DENND2A: variants seen among roughly 807,000 people sequenced by gnomAD.
DENND2A encodes DENN domain containing 2A.
Under a neutral mutation model 105.3 loss-of-function variants are expected in DENND2A, and 53 were observed. The observed-to-expected ratio is 0.50, with a 90% CI of 0.40 to 0.63. The LOEUF is 0.63. Among genes scored for constraint, DENND2A ranks in the 30% least tolerant of loss-of-function variants. The pLI is 0.00. For missense variants in DENND2A, 1,138 were observed against 1,279.6 expected (o/e 0.89, Z 1.69); for synonymous variants, 522 against 508.4 (o/e 1.03, Z -0.36).
chr7:140,528,750 A>T (rs140394615), intron 14 of DENND2A, among the ~76,000 whole-genome samples: 1,883 of 144,314 alleles, frequency 0.013, 40 homozygotes, highest in African/African-American at 0.05. Flanking sequence ...ACAAGAATGA[A>T]ACTCCATCTC....
chr7:140,602,955 T>G (rs781250089), intron 2 of DENND2A, among the ~76,000 whole-genome samples: 2 of 151,974 alleles, frequency 1.3e-5, no homozygotes, highest in Non-Finnish European at 2.9e-5. Context: ...GTTTAAGTCC[T>G]CTAAACCTCA....
intron 3 of DENND2A, among the ~76,000 whole-genome samples, chr7:140,594,678 G>C (rs929576430): frequency 1.3e-5 from 2 of 152,184 alleles, no homozygotes; most frequent in African/African-American, 2.4e-5. Flanking sequence ...TCTAACACTC[G>C]ATAGGTGCGT....
At chr7:140,535,646 G>A (rs975380911) in intron 14 of DENND2A, among the ~76,000 whole-genome samples, 1 of 151,150 alleles carries the variant, frequency 6.6e-6, no homozygotes, top group African/African-American at 2.4e-5. Context: ...CAATGGCGTC[G>A]TCTCAGCTCA....
intron 1 of DENND2A, among the ~76,000 whole-genome samples, chr7:140,638,441 C>G (rs1801035610): frequency 6.6e-6 from 1 of 152,212 alleles, no homozygotes; most frequent in Non-Finnish European, 1.5e-5. Flanking sequence ...GGCATCCTTT[C>G]AGTTTCTCCT....
intron 11 of DENND2A, among the ~76,000 whole-genome samples, chr7:140,556,545 G>A (rs946758699): frequency 6.6e-6 from 1 of 151,974 alleles, no homozygotes; most frequent in African/African-American, 2.4e-5. Flanking sequence ...TCACCATGTT[G>A]GCCAGGCTGG....
Position 140,527,309 on chromosome 7 carries a change from G to C in DENND2A, c.2505+9C>G. 6.4e-7 allele frequency: 1 copy of C among 1,571,872 alleles called. No individual in the cohort carries two copies. The highest frequency in any genetic ancestry group is 1.2e-5 in the South Asian group (1 of 85,516). On this transcript the variant is annotated intron_variant, in intron 15 of 19. Coordinates refer to ENST00000496613, the MANE Select transcript of DENND2A (RefSeq NM_015689.5). The surrounding 1 kb of genome is among the most constrained non-coding windows in gnomAD (Gnocchi z 4.9). ...GCAGGGAGGGGGACAGGGCTGAGTG[G>C]GAGCTCACCTCTTCCAGCGGCAGCT...
intron 1 of DENND2A, among the ~76,000 whole-genome samples, chr7:140,616,356 C>T (rs1296452541): frequency 6.6e-6 from 1 of 151,930 alleles, no homozygotes; most frequent in Non-Finnish European, 1.5e-5. Flanking sequence ...AGCGAGACTC[C>T]ATCACATACA....
At chr7:140,519,412 G>A (rs769250142) in intron 19 of DENND2A, among the ~76,000 whole-genome samples, 4 of 152,174 alleles carry the variant, frequency 2.6e-5, no homozygotes. Context: ...AAGAAAGCCC[G>A]GGGACCCAGA....
Position 140,598,368 on chromosome 7 carries a change from G to A in DENND2A, c.995+3035C>T, listed in dbSNP as rs150437870. 9.8e-4 allele frequency among the ~76,000 whole-genome samples: 150 copies of A among 152,308 alleles called. 1 individual carries two copies. Among genetic ancestry groups the A allele is most frequent in the African/African-American group, 3.3e-3 (139 of 41,576 alleles). On this transcript the variant is annotated intron_variant, in intron 3 of 19. Transcript: ENST00000496613. ...ATCTCAAATAAGAGTGCCTGTGAGT[G>A]AAACTCTAGATGCGTTACCATTAAA...
At chr7:140,566,322 G>A (rs1043388587) in intron 9 of DENND2A, among the ~76,000 whole-genome samples, 7 of 152,198 alleles carry the variant, frequency 4.6e-5, no homozygotes, top group East Asian at 1.9e-4. Context: ...GTGAGTCACC[G>A]CGCCTGGCCT....
intron 5 of DENND2A, among the ~76,000 whole-genome samples, chr7:140,575,015 C>T (rs866819714): frequency 6.6e-6 from 1 of 151,890 alleles, no homozygotes; most frequent in South Asian, 2.1e-4. Context: ...GTGAGACTGT[C>T]TCAAAACAAA....
intron 15 of DENND2A, among the ~76,000 whole-genome samples, chr7:140,526,288 G>A (rs1330435898): frequency 6.6e-6 from 1 of 152,180 alleles, no homozygotes; most frequent in Non-Finnish European, 1.5e-5. Context: ...TCAGGATAAA[G>A]CACTTCCTCC....
At chr7:140,620,881 TG>T (rs1391111381) in intron 1 of DENND2A, among the ~76,000 whole-genome samples, 1 of 152,218 alleles carries the variant, frequency 6.6e-6, no homozygotes, top group Admixed American at 6.5e-5. Flanking sequence ...TGGAAACCAA[TG>T]GCTAAAGGGA....
chr7:140,622,398 A>G (rs1373330037), intron 1 of DENND2A, among the ~76,000 whole-genome samples: 1 of 152,114 alleles, frequency 6.6e-6, no homozygotes, highest in Non-Finnish European at 1.5e-5. Context: ...TCCATCTCAA[A>G]AAAAAAAAAA....
intron 14 of DENND2A, among the ~76,000 whole-genome samples, chr7:140,531,047 C>T (rs907025881): frequency 2.0e-5 from 3 of 152,020 alleles, no homozygotes; most frequent in South Asian, 2.1e-4. Flanking sequence ...CTATGACTTT[C>T]GAAGGATCTA....
intron 2 of DENND2A, among the ~76,000 whole-genome samples, chr7:140,603,210 C>T (rs914736689): frequency 3.3e-5 from 5 of 151,670 alleles, no homozygotes; most frequent in African/African-American, 7.3e-5. Context: ...TGCTGGAACC[C>T]GGGAGGCAGA....
intron 5 of DENND2A, 76 bp from the exon 6 acceptor site, chr7:140,574,084 G>T: frequency 1.3e-6 from 2 of 1,533,086 alleles, no homozygotes; most frequent in Non-Finnish European, 1.8e-6. Flanking sequence ...TGGTGCCAGG[G>T]ACGAGACAAT....
chr7:140,612,927 T>A (rs980653792), intron 1 of DENND2A, among the ~76,000 whole-genome samples: 1 of 151,604 alleles, frequency 6.6e-6, no homozygotes, highest in Admixed American at 6.6e-5. Context: ...CCACCCTTAC[T>A]AACATGGAGA....
Position 140,587,779 on chromosome 7 carries a change from T to C in DENND2A, c.997A>G (p.Lys333Glu). The change falls in exon 4 of 20, where the codon AAG (lysine) becomes GAG (glutamate). Residue 333 changes from lysine (K) to glutamate (E), a missense_variant and splice_region_variant. This residue lies in a region of DENND2A where 511 missense variants were observed against 499.9 expected (regional missense o/e 1.02). Transcript: ENST00000496613. Reference sequence around the variant, plus strand: ...AGTAAATCTTCAAACTCATAGGACTTTCTGGAATGTGCCAGATGGGAGGAA... The same window carrying C: ...AGTAAATCTTCAAACTCATAGGACTCTCTGGAATGTGCCAGATGGGAGGAA... Reference protein sequence around the residue: ...GRQKSSADHRKSYEFEDLLQS... With the variant: ...GRQKSSADHRESYEFEDLLQS... 1 of 1,577,132 alleles carries C rather than the reference T, an allele frequency of 6.3e-7. No individual in the cohort carries two copies. The highest frequency in any genetic ancestry group is 8.7e-7 in the Non-Finnish European group (1 of 1,155,604).
Sources: gnomAD v4.1 joint callset for allele counts (sites outside exome capture counted in the v4.1 genomes callset) on GRCh38, gnomAD v4.1.1 for gene constraint, gnomAD v4.1.1 regional missense constraint, Gnocchi (gnomAD v3.1) non-coding constraint, MANE v1.5 for transcripts, NCBI Gene and HGNC (gene_info 2026-07-23, HGNC 2026-07-21) for gene names.